NOBOX: variants seen among roughly 807,000 people sequenced by gnomAD.
NOBOX encodes the protein homeobox protein NOBOX.
In NOBOX, 46 loss-of-function variants were observed where a neutral mutation model predicts 60.2. That is an observed-to-expected ratio of 0.76 (90% CI 0.60 to 0.98). The LOEUF is 0.98. Ranked by LOEUF, NOBOX falls within the 50% of genes least tolerant of loss-of-function variation. The probability of loss-of-function intolerance (pLI) is 0.00; values close to 1 mark genes in which losing one functional copy is unlikely to be tolerated. For synonymous variants in NOBOX, 360 were observed against 346.3 expected (o/e 1.04, Z -0.44); for missense variants, 880 against 865.5 (o/e 1.02, Z -0.21).
At position 144,410,209 on chromosome 7, in the gene NOBOX, G is replaced by T; in HGVS notation, c.19C>A (p.Leu7Ile). 6 of 1,566,966 alleles carry T rather than the reference G, an allele frequency of 3.8e-6. No homozygotes were observed. The highest frequency in any genetic ancestry group is 1.2e-5 in the South Asian group (1 of 85,018). Residue 7 changes from leucine (L) to isoleucine (I), a missense_variant, in exon 1 of 10, where the codon CTA (leucine) becomes ATA (isoleucine). Transcript: ENST00000467773. ...GTACCCTCCAGGTCTGGTGATGTTA[G>T]TGTCAAAAGGAGAGCCATGTCATGG...
chr7:144,410,076 C>T, intron 1 of NOBOX: 1 of 1,039,574 alleles, frequency 9.6e-7, no homozygotes, highest in Non-Finnish European at 1.4e-6. Context: ...TATGGGAAGA[C>T]AACTCTGTCT....
rs1476009903 is a variant in NOBOX, at chr7:144,398,596, C to G, written c.1470-10G>C. On this transcript the variant is annotated splice_polypyrimidine_tract_variant and intron_variant, in intron 8 of 9. Coordinates refer to ENST00000467773, the MANE Select transcript of NOBOX (RefSeq NM_001080413.3). ...GGGTGGCAGGGTGATGCTGCAAGGA[C>G]AGAGGAACAGCTGGTGAGGTGCAGG... The G allele has an allele frequency of 3.9e-6, 6 of 1,533,398 alleles. No individual in the cohort carries two copies. Among genetic ancestry groups the G allele is most frequent in the Non-Finnish European group, 1.7e-6 (2 of 1,145,466 alleles). 95.0% of individuals were successfully genotyped at this position (1,533,398 alleles called of 1,614,324 possible).
Position 144,401,289 on chromosome 7 carries a change from G to C in NOBOX, c.601C>G (p.Pro201Ala), listed in dbSNP as rs2053936844. 3.1e-6 allele frequency: 5 copies of C among 1,613,562 alleles called. No homozygotes were observed. The highest frequency in any genetic ancestry group is 4.2e-6 in the Non-Finnish European group (5 of 1,179,714). ...GGCTTTTTCTGCTTCCCGGGGGCTG[G>C]AGAATAGGACCTCTTTCCTATCTTC... The change falls in exon 4 of 10, where the codon CCA becomes GCA. Residue 201 changes from proline to alanine, a missense_variant. By Grantham distance (27) the Pro-to-Ala change is conservative. Transcript: ENST00000467773. The surrounding 1 kb of genome is among the most constrained non-coding windows in gnomAD (Gnocchi z 4.2).
chr7:144,397,557 G>T lies in NOBOX; in HGVS notation c.1775-16C>A, dbSNP rs986259540. The T allele has an allele frequency of 5.3e-6, 8 of 1,498,548 alleles. No individual in the cohort carries two copies. In the African/African-American group the frequency reaches 1.1e-4, roughly 21 times the overall value. The allele number at this position is 1,498,548 out of a possible 1,614,324, so 92.8% of individuals were successfully genotyped here. ...GAGGCTGTACCTGTGGGGTCGGAGG[G>T]TGTAGGAATTACCAGACAGGATGGA... On this transcript the variant is annotated splice_polypyrimidine_tract_variant and intron_variant, in intron 9 of 9. Coordinates refer to ENST00000467773, the MANE Select transcript of NOBOX (RefSeq NM_001080413.3).
rs755658484 is a variant in NOBOX at position 144,404,689 on chromosome 7, G to A, written c.86-9C>T. 1 of 1,613,270 alleles carries A rather than the reference G, an allele frequency of 6.2e-7. No individual in the cohort carries two copies. Among genetic ancestry groups the A allele is most frequent in the East Asian group, 2.2e-5 (1 of 44,864 alleles). On this transcript the variant is annotated splice_polypyrimidine_tract_variant and intron_variant, in intron 1 of 9. Transcript: ENST00000467773. ...TACAGCCAGGGGCGGCCCTGCCAGG[G>A]ACGGTGTGGTTACTGTGTTTCCATC...
intron 2 of NOBOX, among the ~76,000 whole-genome samples, chr7:144,402,987 C>A (rs1009358027): frequency 6.6e-6 from 1 of 152,084 alleles, no homozygotes; most frequent in Non-Finnish European, 1.5e-5. Context: ...CAACTCCTGA[C>A]CTCAGGTGGT....
Position 144,400,187 on chromosome 7 carries a change from G to A in NOBOX, c.970C>T (p.Leu324=), listed in dbSNP as rs770442587. 1 of 1,614,020 alleles carries A rather than the reference G, an allele frequency of 6.2e-7. No homozygotes were observed. The highest frequency in any genetic ancestry group is 1.1e-5 in the South Asian group (1 of 91,084). ...CCTCCGCCACTCCACCCTGCCACCA[G>A]TGAGCCGGCCCCCTTTACCATGATG... The change falls in exon 5 of 10, where the codon CTG becomes TTG. Residue 324 remains leucine (L), a synonymous_variant. Transcript: ENST00000467773.
chr7:144,404,093 C>T (rs916348991), intron 2 of NOBOX, among the ~76,000 whole-genome samples: 1 of 152,210 alleles, frequency 6.6e-6, no homozygotes, highest in African/African-American at 2.4e-5. Context: ...CTATGGAGGA[C>T]TCAGTCCTGG....
intron 2 of NOBOX, among the ~76,000 whole-genome samples, chr7:144,402,977 C>T (rs572912228): frequency 2.0e-5 from 3 of 152,088 alleles, no homozygotes; most frequent in Admixed American, 6.5e-5. Context: ...GGCTGGTCTC[C>T]AACTCCTGAC....
rs116937127 is a variant in NOBOX, at chr7:144,397,378, T to C, written c.1938A>G (p.Ser646=). 1.2e-4 allele frequency: 187 copies of C among 1,536,720 alleles called. No individual in the cohort carries two copies. The highest frequency in any genetic ancestry group is 2.9e-4 in the Admixed American group (15 of 51,002). Residue 646 remains serine (S), a synonymous_variant, in exon 10 of 10, where the codon TCA becomes TCG. Coordinates refer to ENST00000467773, the MANE Select transcript of NOBOX (RefSeq NM_001080413.3). ...CTGGTCTGGCCCCTTCAGGCATCCA[T>C]GAGAGAGCTGACGAAGGCTGCCTGC...
rs750971844 is a variant in NOBOX, at chr7:144,399,801, G to A, written c.1110C>T (p.Ser370=). The A allele has an allele frequency of 6.2e-7, 1 of 1,613,046 alleles. No homozygotes were observed. The highest frequency in any genetic ancestry group is 8.5e-7 in the Non-Finnish European group (1 of 1,179,300). The change falls in exon 6 of 10, where the codon AGC becomes AGT. Residue 370 remains serine, a synonymous_variant. Coordinates refer to ENST00000467773, the MANE Select transcript of NOBOX (RefSeq NM_001080413.3). ...GGCCAGGGGCTGCAGGATTGTCCTT[G>A]CTTTCTTTCCCATTCAGTTTCTCCA...
At position 144,401,604 on chromosome 7, in the gene NOBOX, G is replaced by A; in HGVS notation, c.293-7C>T. ...TTCTCTCCAGCTTTCTGGCCTGTGGGGAGCCAACATCCACTGACCTTAGCA... is the reference window on the plus strand; with the variant it reads ...TTCTCTCCAGCTTTCTGGCCTGTGGAGAGCCAACATCCACTGACCTTAGCA... On this transcript the variant is annotated splice_region_variant and splice_polypyrimidine_tract_variant and intron_variant, in intron 3 of 9. Coordinates refer to ENST00000467773, the MANE Select transcript of NOBOX (RefSeq NM_001080413.3). This position sits in a 1 kb window ranked among gnomAD's most constrained non-coding sequence, Gnocchi z 4.2. 6.7e-7 allele frequency: 1 copy of A among 1,501,676 alleles called. No individual in the cohort carries two copies. Among genetic ancestry groups the A allele is most frequent in the Non-Finnish European group, 8.8e-7 (1 of 1,133,754 alleles). 93.0% of individuals were successfully genotyped at this position (1,501,676 alleles called of 1,614,324 possible). A position where few individuals can be genotyped will look rare whatever the true frequency, so the allele number is the denominator to read the frequency against.
At chr7:144,403,510 T>TTCCCCCCCCCCCCCCCCCCCCCCCC in intron 2 of NOBOX, 147 bp downstream of exon 1, 1 of 349,464 alleles carries the variant, frequency 2.9e-6, no homozygotes, top group Non-Finnish European at 5.5e-6. Flanking sequence ...GTCGGCCTCC[T>TTCCCCCCCCCCCCCCCCCCCCCCCC]CCCACCCTAC....
In NOBOX at chr7:144,399,847, C is replaced by G. The variant is rs201947677; in HGVS notation, c.1064G>C (p.Arg355Pro). Residue 355 changes from arginine (R) to proline (P), a missense_variant, in exon 6 of 10, where the codon CGC becomes CCC. Physicochemically the swap from Arg to Pro is moderately radical, Grantham distance 103 (BLOSUM62 -2). Transcript: ENST00000467773. ...CTCCATTTTTCGCCACTTGGCCCGGCGATTCTGGAACCACACCTATGGGGG... is the reference window on the plus strand; with the variant it reads ...CTCCATTTTTCGCCACTTGGCCCGGGGATTCTGGAACCACACCTATGGGGG... 4 of 1,611,620 alleles carry G rather than the reference C, an allele frequency of 2.5e-6. No homozygotes were observed. Among genetic ancestry groups the G allele is most frequent in the Non-Finnish European group, 3.4e-6 (4 of 1,178,250 alleles).
At position 144,397,518 on chromosome 7, in the gene NOBOX, A is replaced by C. The variant is rs2053901913; in HGVS notation, c.1798T>G (p.Cys600Gly). The C allele has an allele frequency of 6.5e-7, 1 of 1,534,664 alleles. No homozygotes were observed. Among genetic ancestry groups the C allele is most frequent in the Non-Finnish European group, 8.7e-7 (1 of 1,145,316 alleles). Residue 600 changes from cysteine (C) to glycine (G), a missense_variant, in exon 10 of 10, where the codon TGT (cysteine) becomes GGT (glycine). Cys to Gly is a radical substitution (Grantham distance 159, BLOSUM62 -3). Coordinates refer to ENST00000467773, the MANE Select transcript of NOBOX (RefSeq NM_001080413.3). ...CCAGGGAAGGGCAGCTCTGGCAAAC[A>C]GGGGTCACTCCAGGAGGCTGTACCT... is the stretch of plus-strand genomic sequence containing the variant.
rs2053926317 is a variant in NOBOX at position 144,400,121 on chromosome 7, C to T, written c.1036G>A (p.Ala346Thr). ...AATTCAGCTCCTACCCAGGCTACCG[C>T]TGAGCGCTCACTCTGCAATTCGAGT... The change falls in exon 5 of 10, where the codon GCG becomes ACG. Residue 346 changes from alanine (A) to threonine (T), a missense_variant. By Grantham distance (58) the Ala-to-Thr change is moderately conservative. Transcript: ENST00000467773. 2 of 1,612,944 alleles carry T rather than the reference C, an allele frequency of 1.2e-6. No individual in the cohort carries two copies. Among genetic ancestry groups the T allele is most frequent in the Non-Finnish European group, 1.7e-6 (2 of 1,179,890 alleles).
chr7:144,406,552 C>T (rs768771184), intron 1 of NOBOX, among the ~76,000 whole-genome samples: 8 of 113,522 alleles, frequency 7.0e-5, no homozygotes, highest in Non-Finnish European at 8.9e-5. Flanking sequence ...AGTGAGACTC[C>T]GTCTCAAAAA....
intron 1 of NOBOX, among the ~76,000 whole-genome samples, chr7:144,409,673 A>G (rs1490096485): frequency 6.6e-6 from 1 of 152,252 alleles, no homozygotes. Context: ...GCAAATTTGA[A>G]ATACAGCTTG....
In NOBOX at chr7:144,398,931, AC is replaced by A. The variant is rs750684346; in HGVS notation, c.1469+18del. The A allele has an allele frequency of 1.4e-6, 2 of 1,398,902 alleles. No individual in the cohort carries two copies. The highest frequency in any genetic ancestry group is 9.9e-7 in the Non-Finnish European group (1 of 1,008,066). 86.7% of individuals were successfully genotyped at this position (1,398,902 alleles called of 1,614,324 possible). ...CCCACCCAGATAACTAGAGTGACCT[AC>A]CCCCGTAGGTTCCTTACCTTGTCCC... On this transcript the variant is annotated intron_variant, in intron 8 of 9. Transcript: ENST00000467773.
Sources: gnomAD v4.1 joint callset for allele counts (sites outside exome capture counted in the v4.1 genomes callset) on GRCh38, gnomAD v4.1.1 for gene constraint, Gnocchi (gnomAD v3.1) non-coding constraint, MANE v1.5 for transcripts, NCBI Gene and HGNC (gene_info 2026-07-23, HGNC 2026-07-21) for gene names.